Variants in NNT observed in about 807,000 individuals in gnomAD.
NNT encodes the protein NAD(P) transhydrogenase, mitochondrial.
In NNT, 50 loss-of-function variants were observed where a neutral mutation model predicts 104.8. That is an observed-to-expected ratio of 0.48 (90% confidence interval 0.38 to 0.60). NNT has a LOEUF of 0.60. Among genes scored for constraint, NNT ranks in the 20% least tolerant of loss-of-function variants. NNT has a pLI of 0.00. For missense variants in NNT, 1,131 were observed against 1,330.7 expected (o/e 0.85, Z 2.33); for synonymous variants, 461 against 490.4 (o/e 0.94, Z 0.79).
At chr5:43,678,837 G>A (rs1043571229) in intron 19 of NNT, among the ~76,000 whole-genome samples, 1 of 152,158 alleles carries the variant, frequency 6.6e-6, no homozygotes, top group African/African-American at 2.4e-5. Context: ...TTGTATTAGT[G>A]TCGGCAGTTA....
At chr5:43,613,380 AT>A in intron 3 of NNT, 1 of 424,532 alleles carries the variant, frequency 2.4e-6, no homozygotes, top group East Asian at 4.1e-5. Context: ...CATTTGCTAT[AT>A]GGACATTTTC....
chr5:43,662,131 T>A (rs1483710204), intron 17 of NNT, among the ~76,000 whole-genome samples: 1 of 152,234 alleles, frequency 6.6e-6, no homozygotes, highest in African/African-American at 2.4e-5. Flanking sequence ...TTATCCTTTT[T>A]TAAAAATGGT....
At chr5:43,698,885 A>C (rs1412469574) in intron 19 of NNT, among the ~76,000 whole-genome samples, 1 of 148,882 alleles carries the variant, frequency 6.7e-6, no homozygotes, top group East Asian at 2.0e-4. Context: ...GACTATATAT[A>C]TATATACACT....
chr5:43,659,730 A>G (rs1326266119), intron 17 of NNT, among the ~76,000 whole-genome samples: 1 of 152,098 alleles, frequency 6.6e-6, no homozygotes, highest in Non-Finnish European at 1.5e-5. Flanking sequence ...CCATCTCAAA[A>G]GAAAAAAAAA....
Position 43,704,489 on chromosome 5 carries a change from G to A in NNT, c.*85G>A, listed in dbSNP as rs184272260. The A allele has an allele frequency of 7.9e-5, 108 of 1,360,638 alleles. 1 individual carries two copies. The African/African-American group carries it at 1.4e-3, about 18-fold the overall frequency. 84.3% of individuals were successfully genotyped at this position (1,360,638 alleles called of 1,614,324 possible). On this transcript the variant is annotated 3_prime_UTR_variant, in exon 22 of 22. Transcript: ENST00000344920. ...ATAAAGTATCAGTATACATGGTGAT[G>A]TACATCTGTAGCAAAGCTCTTGGAG...
intron 17 of NNT, chr5:43,667,057 G>A (rs1740742540): frequency 6.3e-7 from 1 of 1,595,998 alleles, no homozygotes; most frequent in Non-Finnish European, 8.5e-7. Flanking sequence ...GGCATTGTTG[G>A]CCTGCATCTT....
intron 16 of NNT, among the ~76,000 whole-genome samples, chr5:43,658,398 G>A (rs1028015030): frequency 6.6e-5 from 10 of 152,070 alleles, no homozygotes; most frequent in Non-Finnish European, 1.0e-4. Flanking sequence ...TAGTAATTTC[G>A]AGTTGTATCA....
intron 1 of NNT, among the ~76,000 whole-genome samples, chr5:43,607,569 G>A (rs1024655372): frequency 1.3e-5 from 2 of 152,144 alleles, no homozygotes; most frequent in Admixed American, 6.5e-5. Context: ...CTCACACAAA[G>A]CCTGTTTGGT....
Position 43,645,604 on chromosome 5 carries a change from C to T in NNT, c.1444+94C>T, listed in dbSNP as rs184705390. ...ATAGATATATGTGTAGCTATATATACGTATATATAGATATATATACACATA... is the reference window on the plus strand; with the variant it reads ...ATAGATATATGTGTAGCTATATATATGTATATATAGATATATATACACATA... On this transcript the variant is annotated intron_variant, in intron 10 of 21. Transcript: ENST00000344920. The T allele has an allele frequency of 3.5e-5, 18 of 511,746 alleles. No homozygotes were observed. The Admixed American group carries it at 4.3e-4, about 12-fold the overall frequency. The allele number at this position is 511,746 out of a possible 1,614,324, so 31.7% of individuals were successfully genotyped here.
chr5:43,652,834 T>C (rs1293556958), intron 13 of NNT, among the ~76,000 whole-genome samples, 184 bp from the exon 14 acceptor site: 1 of 152,180 alleles, frequency 6.6e-6, no homozygotes, highest in Non-Finnish European at 1.5e-5. Flanking sequence ...TTTAGGTACT[T>C]TTATGTGTAT....
chr5:43,661,447 A>C (rs1740352131), intron 17 of NNT, among the ~76,000 whole-genome samples: 1 of 151,694 alleles, frequency 6.6e-6, no homozygotes, highest in Non-Finnish European at 1.5e-5. Flanking sequence ...TTTAGGGTAC[A>C]TGTGCACATT....
At chr5:43,672,346 G>C (rs1741153285) in intron 17 of NNT, among the ~76,000 whole-genome samples, 1 of 150,612 alleles carries the variant, frequency 6.6e-6, no homozygotes, top group South Asian at 2.1e-4. Flanking sequence ...TTCCTTTGGA[G>C]GGGGGAGAGG....
At chr5:43,650,639 G>A (rs1739709074) in intron 12 of NNT, 52 bp downstream of exon 12, 3 of 1,336,960 alleles carry the variant, frequency 2.2e-6, no homozygotes, top group African/African-American at 1.4e-5. Flanking sequence ...GACATACAAA[G>A]CAAATATAAA....
chr5:43,644,493 G>A (rs1227204367), intron 8 of NNT, 118 bp from the exon 9 acceptor site: 4 of 1,107,452 alleles, frequency 3.6e-6, no homozygotes, highest in African/African-American at 3.2e-5. Context: ...GGGTATGTAT[G>A]TATATTCATA....
chr5:43,640,141 C>A (rs1352743721), intron 7 of NNT, among the ~76,000 whole-genome samples: 1 of 152,032 alleles, frequency 6.6e-6, no homozygotes, highest in Non-Finnish European at 1.5e-5. Flanking sequence ...CAGCCTTTGT[C>A]AGAAAGATGT....
At chr5:43,671,721 T>C (rs975120776) in intron 17 of NNT, among the ~76,000 whole-genome samples, 4 of 152,214 alleles carry the variant, frequency 2.6e-5, no homozygotes, top group Admixed American at 2.6e-4. Context: ...TTAACATTTT[T>C]TCCTTCATTT....
At chr5:43,627,193 G>A (rs1042678511) in intron 6 of NNT, among the ~76,000 whole-genome samples, 4 of 152,058 alleles carry the variant, frequency 2.6e-5, no homozygotes, top group Non-Finnish European at 5.9e-5. Context: ...TACCTCCAGG[G>A]GGCAATCTGG....
chr5:43,635,268 T>G (rs982141453), intron 7 of NNT, among the ~76,000 whole-genome samples: 55 of 152,184 alleles, frequency 3.6e-4, no homozygotes, highest in African/African-American at 1.3e-3. Context: ...GCAGCTCTTT[T>G]TCATATGGTC....
chr5:43,656,183 C>T, intron 15 of NNT, 110 bp downstream of exon 15: 1 of 930,960 alleles, frequency 1.1e-6, no homozygotes, highest in Non-Finnish European at 1.6e-6. Context: ...TGGCTCATGC[C>T]TGCAATCCAG....
Sources: gnomAD v4.1 joint callset for allele counts (sites outside exome capture counted in the v4.1 genomes callset) on GRCh38, gnomAD v4.1.1 for gene constraint, MANE v1.5 for transcripts, NCBI Gene and HGNC (gene_info 2026-07-23, HGNC 2026-07-21) for gene names.